Variants in VWA8 observed in about 807,000 individuals in gnomAD.
The protein encoded by VWA8 is von Willebrand factor A domain containing 8.
In VWA8, 221 loss-of-function variants were observed where a neutral mutation model predicts 241.5. That is an observed-to-expected ratio of 0.91 (90% confidence interval 0.82 to 1.02). The LOEUF (loss-of-function observed/expected upper bound fraction) is 1.02. Among genes scored for constraint, VWA8 ranks in the 50% least tolerant of loss-of-function variants. The probability of loss-of-function intolerance (pLI) is 0.00; values close to 1 mark genes in which losing one functional copy is unlikely to be tolerated. For missense variants in VWA8, 2,322 were observed against 2,328.7 expected (o/e 1.00, Z 0.06); for synonymous variants, 852 against 827.1 (o/e 1.03, Z -0.52).
At chr13:41,568,581 CTT>C (rs2044277689) in intron 44 of VWA8, among the ~76,000 whole-genome samples, 1 of 152,224 alleles carries the variant, frequency 6.6e-6, no homozygotes, top group South Asian at 2.1e-4. Context: ...TTCTTCCTTT[CTT>C]TACTGCCATT....
chr13:41,759,191 T>A (rs2045721176), intron 21 of VWA8, among the ~76,000 whole-genome samples: 1 of 151,696 alleles, frequency 6.6e-6, no homozygotes, highest in African/African-American at 2.4e-5. Flanking sequence ...TTTTGCCTTC[T>A]GAAGAATATT....
intron 4 of VWA8, among the ~76,000 whole-genome samples, chr13:41,905,753 A>G (rs1172615068): frequency 2.6e-5 from 4 of 152,082 alleles, no homozygotes; most frequent in Admixed American, 2.0e-4. Context: ...TAAGAGTACT[A>G]CATTGGTAAT....
intron 39 of VWA8, among the ~76,000 whole-genome samples, chr13:41,608,253 G>A (rs911751082): frequency 6.6e-6 from 1 of 151,958 alleles, no homozygotes; most frequent in Non-Finnish European, 1.5e-5. Context: ...AGATTGTGTC[G>A]GTTTTCAGAA....
chr13:41,626,912 G>C (rs1245766075), intron 37 of VWA8, among the ~76,000 whole-genome samples: 1 of 152,010 alleles, frequency 6.6e-6, no homozygotes, highest in Non-Finnish European at 1.5e-5. Flanking sequence ...AACAAAAATT[G>C]GTAAGTGGAA....
intron 14 of VWA8, among the ~76,000 whole-genome samples, chr13:41,825,613 A>G (rs949274673): frequency 6.6e-6 from 1 of 152,172 alleles, no homozygotes; most frequent in African/African-American, 2.4e-5. Flanking sequence ...TAAAAAAGCA[A>G]AACAAAAACC....
intron 42 of VWA8, among the ~76,000 whole-genome samples, chr13:41,584,750 G>A (rs1408240119): frequency 6.6e-6 from 1 of 152,176 alleles, no homozygotes; most frequent in Non-Finnish European, 1.5e-5. Flanking sequence ...TCAGTCAGAT[G>A]TTAACTATGG....
At chr13:41,942,854 A>C (rs1293872408) in intron 2 of VWA8, among the ~76,000 whole-genome samples, 1 of 152,180 alleles carries the variant, frequency 6.6e-6, no homozygotes, top group East Asian at 1.9e-4. Context: ...GATAGCTGAG[A>C]TAAATCCCTC....
chr13:41,714,543 C>A (rs1474261646), intron 26 of VWA8, among the ~76,000 whole-genome samples: 1 of 151,916 alleles, frequency 6.6e-6, no homozygotes, highest in African/African-American at 2.4e-5. Context: ...CTATAAATTT[C>A]TTTTGTGTTC....
chr13:41,715,770 ATCC>A (rs2045344344), intron 26 of VWA8, among the ~76,000 whole-genome samples: 3 of 152,000 alleles, frequency 2.0e-5, no homozygotes, highest in Admixed American at 6.6e-5. Context: ...TTTAACATAA[ATCC>A]TCCTATCTCT....
intron 4 of VWA8, among the ~76,000 whole-genome samples, chr13:41,899,400 G>T (rs999006915): frequency 2.0e-5 from 3 of 152,156 alleles, no homozygotes; most frequent in African/African-American, 4.8e-5. Context: ...AATCGCCCAA[G>T]ATTTTAAAAT....
chr13:41,679,575 TA>T (rs979623251), intron 35 of VWA8, among the ~76,000 whole-genome samples: 2 of 152,226 alleles, frequency 1.3e-5, no homozygotes, highest in African/African-American at 4.8e-5. Flanking sequence ...AGCATTTAGC[TA>T]GAAGAAAAAC....
At chr13:41,846,081 C>T (rs1566479670) in intron 12 of VWA8, among the ~76,000 whole-genome samples, 2 of 150,800 alleles carry the variant, frequency 1.3e-5, no homozygotes, top group Non-Finnish European at 2.9e-5. Context: ...GGTCTCCCTA[C>T]ATTGTCCTGG....
chr13:41,787,342 TTAAC>T (rs1869240937), intron 18 of VWA8, 91 bp downstream of exon 18: 2 of 1,016,180 alleles, frequency 2.0e-6, no homozygotes, highest in Middle Eastern at 2.8e-4. Context: ...CAAAAACTGT[TTAAC>T]TGTTTATTTT....
At chr13:41,762,467 C>T (rs1018874454) in intron 20 of VWA8, among the ~76,000 whole-genome samples, 7 of 152,226 alleles carry the variant, frequency 4.6e-5, no homozygotes, top group Middle Eastern at 3.4e-3. Flanking sequence ...ACATCCAGGT[C>T]TATATGATTC....
intron 2 of VWA8, among the ~76,000 whole-genome samples, chr13:41,945,975 A>C (rs1377282489): frequency 6.6e-6 from 1 of 152,172 alleles, no homozygotes; most frequent in Non-Finnish European, 1.5e-5. Context: ...ACACATCCAC[A>C]GTCAAACTAT....
intron 34 of VWA8, among the ~76,000 whole-genome samples, chr13:41,685,684 A>G (rs1212965775): frequency 1.3e-5 from 2 of 152,278 alleles, no homozygotes; most frequent in South Asian, 4.1e-4. Context: ...TTACCTTGAA[A>G]TCAATTACAA....
chr13:41,907,707 G>A lies in VWA8; in HGVS notation c.373-11C>T. ...CCGTTTGGTCAGCTCCTGTAGAGAA[G>A]AGAATGAAATTATTCCAAAAATAAA... On this transcript the variant is annotated splice_polypyrimidine_tract_variant and intron_variant, in intron 3 of 44. Coordinates refer to ENST00000379310, the MANE Select transcript of VWA8 (RefSeq NM_015058.2). The A allele has an allele frequency of 6.2e-7, 1 of 1,607,018 alleles. No homozygotes were observed. The highest frequency in any genetic ancestry group is 1.3e-5 in the African/African-American group (1 of 74,888).
chr13:41,779,077 G>A (rs1294041860), intron 19 of VWA8, among the ~76,000 whole-genome samples: 1 of 150,558 alleles, frequency 6.6e-6, no homozygotes, highest in Admixed American at 6.6e-5. Flanking sequence ...TCCTGACCTC[G>A]TGATCTGCCT....
At chr13:41,919,272 G>T (rs1268528881) in intron 2 of VWA8, among the ~76,000 whole-genome samples, 1 of 152,154 alleles carries the variant, frequency 6.6e-6, no homozygotes, top group Non-Finnish European at 1.5e-5. Context: ...CAGGAAAAAG[G>T]TAAGCAGAAG....
Sources: gnomAD v4.1 joint callset for allele counts (sites outside exome capture counted in the v4.1 genomes callset) on GRCh38, gnomAD v4.1.1 for gene constraint, MANE v1.5 for transcripts, NCBI Gene and HGNC (gene_info 2026-07-23, HGNC 2026-07-21) for gene names.